The following SFMBT2 variants were observed in gnomAD, a reference collection of about 807,000 sequenced individuals.
SFMBT2 encodes Scm like with four mbt domains 2.
In SFMBT2, 38 loss-of-function variants were observed where a neutral mutation model predicts 110.1. That is an observed-to-expected ratio of 0.35 (90% CI 0.27 to 0.45). The LOEUF (loss-of-function observed/expected upper bound fraction) is 0.45. Ranked by LOEUF, SFMBT2 falls within the 20% of genes least tolerant of loss-of-function variation. The probability of loss-of-function intolerance (pLI) is 1.00; values close to 1 mark genes in which losing one functional copy is unlikely to be tolerated. For synonymous variants in SFMBT2, 425 were observed against 425.4 expected (o/e 1.00, Z 0.01); for missense variants, 1,011 against 1,094.9 (o/e 0.92, Z 1.08).
intron 4 of SFMBT2, among the ~76,000 whole-genome samples, chr10:7,347,710 G>A (rs560566948): frequency 1.3e-5 from 2 of 152,244 alleles, no homozygotes; most frequent in Admixed American, 6.5e-5. Context: ...AACTAAGCAG[G>A]CAAGCATCTC....
rs755396511 is a variant in SFMBT2 at position 7,276,936 on chromosome 10, G to C, written c.826C>G (p.Leu276Val). The C allele has an allele frequency of 9.2e-6, 8 of 872,922 alleles. No individual in the cohort carries two copies. In the Admixed American group the frequency reaches 1.4e-4, roughly 15 times the overall value. 54.1% of individuals were successfully genotyped at this position (872,922 alleles called of 1,614,324 possible). The stretch of plus-strand genomic sequence containing the variant: ...AGAGGAAATTTGGCAGCATCAATAA[G>C]GGATTTTTCCAGAGTACATTTCCAT... ...SEWKCTLEKS[L>V]IDAAKFPLPM... Residue 276 changes from leucine to valine, a missense_variant, in exon 7 of 21, where the codon CTT becomes GTT. This residue lies in a region of SFMBT2 where 979 missense variants were observed against 1,016.1 expected (regional missense o/e 0.96). Transcript: ENST00000397167.
At chr10:7,280,722 G>T (rs1841928323) in intron 6 of SFMBT2, among the ~76,000 whole-genome samples, 1 of 152,172 alleles carries the variant, frequency 6.6e-6, no homozygotes, top group South Asian at 2.1e-4. Flanking sequence ...ATGGTACAGG[G>T]TAAGGTGGTT....
At chr10:7,289,742 A>G (rs563002426) in intron 4 of SFMBT2, among the ~76,000 whole-genome samples, 67 of 152,386 alleles carry the variant, frequency 4.4e-4, no homozygotes, top group African/African-American at 1.6e-3. Flanking sequence ...CCATAAACCT[A>G]TTACAATAAA....
At chr10:7,308,198 AT>A (rs1259176910) in intron 4 of SFMBT2, among the ~76,000 whole-genome samples, 2 of 151,840 alleles carry the variant, frequency 1.3e-5, no homozygotes, top group Non-Finnish European at 2.9e-5. Context: ...CTATAAAAAC[AT>A]TTTTTTTAAA....
intron 1 of SFMBT2, among the ~76,000 whole-genome samples, chr10:7,385,140 C>G (rs1845555112): frequency 6.6e-6 from 1 of 152,218 alleles, no homozygotes; most frequent in African/African-American, 2.4e-5. Flanking sequence ...GCAAGTGTGT[C>G]CATCCAACCA....
chr10:7,281,656 G>T (rs1841951895), intron 6 of SFMBT2, among the ~76,000 whole-genome samples: 1 of 152,148 alleles, frequency 6.6e-6, no homozygotes, highest in Non-Finnish European at 1.5e-5. Flanking sequence ...TCCCAGGGAT[G>T]CTGTTCTGCT....
chr10:7,284,314 C>T (rs1842028250), intron 5 of SFMBT2, 164 bp from the exon 6 acceptor site: 11 of 1,425,788 alleles, frequency 7.7e-6, no homozygotes, highest in Non-Finnish European at 1.0e-5. Context: ...TGCCCCACCC[C>T]TTCCCTTTCC....
At chr10:7,389,580 T>C (rs1845713420) in intron 1 of SFMBT2, among the ~76,000 whole-genome samples, 1 of 152,244 alleles carries the variant, frequency 6.6e-6, no homozygotes. Flanking sequence ...CTTTTGTCTC[T>C]GTTGGACAAC....
intron 4 of SFMBT2, among the ~76,000 whole-genome samples, chr10:7,315,074 AAG>A (rs966248383): frequency 2.4e-4 from 34 of 143,872 alleles, no homozygotes; most frequent in African/African-American, 8.1e-4. Context: ...GAAAGAAAGA[AAG>A]AAAGAAAGAA....
At chr10:7,226,461 G>A (rs1174353909) in intron 10 of SFMBT2, among the ~76,000 whole-genome samples, 1 of 152,208 alleles carries the variant, frequency 6.6e-6, no homozygotes, top group African/African-American at 2.4e-5. Flanking sequence ...TGCAATGACA[G>A]TGTGGCAGCA....
At position 7,299,135 on chromosome 10, in the gene SFMBT2, G is replaced by A. The variant is rs185683758; in HGVS notation, c.437-13181C>T. 8.6e-5 allele frequency among the ~76,000 whole-genome samples: 13 copies of A among 152,008 alleles called. No homozygotes were observed. In the East Asian group the frequency reaches 1.7e-3, roughly 20 times the overall value. ...CTTATTCTAAAACCATAAAAACCCC[G>A]GAAGAAAACCTAGGCAATACTATTC... On this transcript the variant is annotated intron_variant, in intron 4 of 20. Transcript: ENST00000397167.
chr10:7,235,270 A>G (rs996886656), intron 9 of SFMBT2, among the ~76,000 whole-genome samples: 2 of 152,200 alleles, frequency 1.3e-5, no homozygotes, highest in Non-Finnish European at 2.9e-5. Flanking sequence ...GGATAGAGAC[A>G]GTAACAAATA....
At chr10:7,212,821 C>T (rs115009508) in intron 11 of SFMBT2, among the ~76,000 whole-genome samples, 2,268 of 152,284 alleles carry the variant, frequency 0.015, 53 homozygotes, top group African/African-American at 0.052. Context: ...CAAAGACTTG[C>T]AACCAAGCTA....
At chr10:7,186,903 A>G (rs1159321662) in intron 16 of SFMBT2, among the ~76,000 whole-genome samples, 1 of 152,264 alleles carries the variant, frequency 6.6e-6, no homozygotes, top group African/African-American at 2.4e-5. Context: ...AACCCAGTTC[A>G]GACAGACATT....
intron 2 of SFMBT2, 95 bp downstream of exon 2, chr10:7,381,704 T>G: frequency 7.6e-7 from 1 of 1,308,188 alleles, no homozygotes; most frequent in Non-Finnish European, 1.1e-6. Flanking sequence ...GTATGTGAGA[T>G]CTACAAATGT....
chr10:7,332,123 C>A (rs1564444467), intron 4 of SFMBT2, among the ~76,000 whole-genome samples: 1 of 151,854 alleles, frequency 6.6e-6, no homozygotes, highest in African/African-American at 2.4e-5. Flanking sequence ...CCTATGGAGG[C>A]TACTGGTATT....
chr10:7,164,746 A>AACACACACAC (rs58744416), intron 20 of SFMBT2, among the ~76,000 whole-genome samples: 1 of 137,740 alleles, frequency 7.3e-6, no homozygotes. Flanking sequence ...CATAAAGGGA[A>AACACACACAC]ACACACACAC....
intron 9 of SFMBT2, among the ~76,000 whole-genome samples, chr10:7,229,409 TC>T (rs1840045241): frequency 6.6e-6 from 1 of 151,826 alleles, no homozygotes; most frequent in Admixed American, 6.6e-5. Context: ...TGAAACCCCT[TC>T]TCTACTAAAA....
rs374189109 is a variant in SFMBT2 at position 7,168,746 on chromosome 10, A to G, written c.2544+2182T>C. 3.8e-4 allele frequency among the ~76,000 whole-genome samples: 58 copies of G among 152,362 alleles called. No homozygotes were observed. The East Asian group carries it at 3.9e-3, about 10-fold the overall frequency. ...TTTCAAAATGGAGATGTGGCTTATC[A>G]ATAAGCCCCCGATCACCTAAGCCCT... On this transcript the variant is annotated intron_variant, in intron 20 of 20. Transcript: ENST00000397167.
Sources: gnomAD v4.1 joint callset for allele counts (sites outside exome capture counted in the v4.1 genomes callset) on GRCh38, gnomAD v4.1.1 for gene constraint, gnomAD v4.1.1 regional missense constraint, MANE v1.5 for transcripts, NCBI Gene and HGNC (gene_info 2026-07-23, HGNC 2026-07-21) for gene names.